PLCB1: variants seen among roughly 807,000 people sequenced by gnomAD.
The protein encoded by PLCB1 is 1-phosphatidylinositol 4,5-bisphosphate phosphodiesterase beta-1.
PLCB1 carries 46 observed loss-of-function variants against 161.8 expected under a neutral mutation model. The ratio of observed to expected loss-of-function variants is 0.28; its 90% CI spans 0.22 to 0.36. The LOEUF (loss-of-function observed/expected upper bound fraction) is 0.36, where lower values mean the gene tolerates loss of function less well. Among genes scored for constraint, PLCB1 ranks in the 10% least tolerant of loss-of-function variants. The pLI is 1.00. For missense variants in PLCB1, 1,016 were observed against 1,472.5 expected (o/e 0.69, Z 5.07); for synonymous variants, 517 against 503.7 (o/e 1.03, Z -0.35).
chr20:8,159,487 C>T (rs889977197), intron 2 of PLCB1, among the ~76,000 whole-genome samples: 2 of 152,156 alleles, frequency 1.3e-5, no homozygotes, highest in African/African-American at 4.8e-5. Flanking sequence ...CCATTTTCCC[C>T]ATTGTCTTGA....
At chr20:8,659,103 T>C (rs1309485442) in intron 9 of PLCB1, among the ~76,000 whole-genome samples, 1 of 152,116 alleles carries the variant, frequency 6.6e-6, no homozygotes, top group Non-Finnish European at 1.5e-5. Flanking sequence ...ATTTAGTCTG[T>C]GAGACCCTTA....
intron 3 of PLCB1, among the ~76,000 whole-genome samples, chr20:8,493,629 T>A (rs6077368): frequency 0.12 from 17,539 of 144,672 alleles, 1,385 homozygotes; most frequent in Admixed American, 0.22. Context: ...GCTGTGTGCT[T>A]TAGCATCACT....
intron 23 of PLCB1, chr20:8,752,349 C>T (rs1981521545): frequency 6.6e-6 from 1 of 152,200 alleles, no homozygotes; most frequent in African/African-American, 2.4e-5. Context: ...TTTAATAACA[C>T]CTCCGATTAT....
chr20:8,795,993 G>T (rs1984010004), intron 31 of PLCB1, among the ~76,000 whole-genome samples: 1 of 152,010 alleles, frequency 6.6e-6, no homozygotes, highest in Non-Finnish European at 1.5e-5. Flanking sequence ...TTTATAAGAA[G>T]AATCATCTTT....
intron 2 of PLCB1, among the ~76,000 whole-genome samples, chr20:8,164,360 C>G (rs1303129689): frequency 1.3e-5 from 2 of 152,148 alleles, no homozygotes; most frequent in African/African-American, 4.8e-5. Context: ...TGTAGTCCAC[C>G]CTTTTCTCAC....
At chr20:8,546,228 T>G (rs978735894) in intron 3 of PLCB1, among the ~76,000 whole-genome samples, 3 of 149,802 alleles carry the variant, frequency 2.0e-5, no homozygotes, top group Non-Finnish European at 4.4e-5. Context: ...GCAGGAGAAT[T>G]GCTTGAACCC....
chr20:8,499,767 G>C (rs1339363674), intron 3 of PLCB1, among the ~76,000 whole-genome samples: 4 of 152,146 alleles, frequency 2.6e-5, no homozygotes, highest in Admixed American at 2.6e-4. Context: ...GGAGATTTGG[G>C]TGTGATTCAC....
rs4816103 is a variant in PLCB1 at position 8,879,286 on chromosome 20, T to A, written c.3424-2336T>A. On this transcript the variant is annotated intron_variant, in intron 31 of 31. Coordinates refer to ENST00000338037, the MANE Select transcript of PLCB1 (RefSeq NM_015192.4). ...AAACATACAAGTGCATGTCACACAC[T>A]TTTTGATGTGAAAAAAAAAAAAAAA... Among the ~76,000 whole-genome samples the A allele has an allele frequency of 1.1e-3, 164 of 150,046 alleles. 1 individual carries two copies. Among genetic ancestry groups the A allele is most frequent in the African/African-American group, 3.9e-3 (158 of 40,146 alleles).
At chr20:8,273,407 A>G (rs977347996) in intron 2 of PLCB1, among the ~76,000 whole-genome samples, 2 of 152,092 alleles carry the variant, frequency 1.3e-5, no homozygotes, top group Non-Finnish European at 2.9e-5. Context: ...TCTGATTGCT[A>G]TTTTTACTTC....
At chr20:8,672,397 CTCT>C (rs1363576966) in intron 9 of PLCB1, among the ~76,000 whole-genome samples, 1 of 121,998 alleles carries the variant, frequency 8.2e-6, no homozygotes, top group African/African-American at 3.9e-5. Context: ...TCCTGTTATA[CTCT>C]TTTTTTTTTT....
At chr20:8,445,230 G>T (rs1196167777) in intron 3 of PLCB1, among the ~76,000 whole-genome samples, 1 of 152,174 alleles carries the variant, frequency 6.6e-6, no homozygotes, top group Non-Finnish European at 1.5e-5. Flanking sequence ...TGTATAAGTT[G>T]TAAGGAAGGG....
intron 2 of PLCB1, among the ~76,000 whole-genome samples, chr20:8,243,440 T>C (rs116101266): frequency 0.023 from 3,527 of 152,070 alleles, 148 homozygotes; most frequent in African/African-American, 0.08. Context: ...GGCCAAACCA[T>C]GAACTTCTTT....
In PLCB1 at chr20:8,500,762, G is replaced by A. The variant is rs549181157; in HGVS notation, c.247-127532G>A. Among the ~76,000 whole-genome samples, 10 of 152,062 alleles carry A rather than the reference G, an allele frequency of 6.6e-5. No homozygotes were observed. In the South Asian group the frequency reaches 1.5e-3, roughly 22 times the overall value. ...CCATGCTCAAATGTTAGCTTGCCTCGAATCAAATCCTAGAGTCACTCTTAA... is the reference window on the plus strand; with the variant it reads ...CCATGCTCAAATGTTAGCTTGCCTCAAATCAAATCCTAGAGTCACTCTTAA... On this transcript the variant is annotated intron_variant, in intron 3 of 31. Coordinates refer to ENST00000338037, the MANE Select transcript of PLCB1 (RefSeq NM_015192.4).
intron 3 of PLCB1, among the ~76,000 whole-genome samples, chr20:8,575,030 A>G (rs2035586197): frequency 6.6e-6 from 1 of 152,222 alleles, no homozygotes; most frequent in Non-Finnish European, 1.5e-5. Flanking sequence ...CACTAATCCA[A>G]ATGAGGACCT....
At chr20:8,213,081 T>A (rs1978921614) in intron 2 of PLCB1, among the ~76,000 whole-genome samples, 1 of 152,154 alleles carries the variant, frequency 6.6e-6, no homozygotes, top group Non-Finnish European at 1.5e-5. Context: ...TCTTCACAAC[T>A]CTATTGTCTC....
rs71862056 is a variant in PLCB1 at position 8,327,894 on chromosome 20, TTA to T, written c.178-43475_178-43474del. Among the ~76,000 whole-genome samples the T allele has an allele frequency of 9.2e-3, 1,389 of 150,826 alleles. 17 individuals are homozygous for T. Among genetic ancestry groups the T allele is most frequent in the African/African-American group, 0.03 (1,237 of 41,122 alleles). On this transcript the variant is annotated intron_variant, in intron 2 of 31. Coordinates refer to ENST00000338037, the MANE Select transcript of PLCB1 (RefSeq NM_015192.4). ...TTATATAATGTGTACATATGTATAG[TTA>T]TATATATATATACACACACACAAAT... is the stretch of plus-strand genomic sequence containing the variant.
At chr20:8,378,790 G>A (rs1029842980) in intron 3 of PLCB1, among the ~76,000 whole-genome samples, 1 of 152,148 alleles carries the variant, frequency 6.6e-6, no homozygotes, top group East Asian at 1.9e-4. Flanking sequence ...CTCAAACCCT[G>A]CTTCTGTTTT....
chr20:8,426,754 C>A (rs1224903969), intron 3 of PLCB1, among the ~76,000 whole-genome samples: 1 of 152,088 alleles, frequency 6.6e-6, no homozygotes, highest in Non-Finnish European at 1.5e-5. Context: ...TTTAAAGTAG[C>A]AATGATTTTA....
At chr20:8,772,589 C>A (rs1340815955) in intron 26 of PLCB1, among the ~76,000 whole-genome samples, 1 of 152,168 alleles carries the variant, frequency 6.6e-6, no homozygotes, top group Non-Finnish European at 1.5e-5. Context: ...GTGGTTGGAA[C>A]TGATTGAAGA....
Sources: allele counts gnomAD v4.1 joint callset (sites outside exome capture counted in the v4.1 genomes callset), GRCh38; gene constraint gnomAD v4.1.1; transcripts MANE v1.5; gene names NCBI Gene and HGNC (gene_info 2026-07-23, HGNC 2026-07-21).